RC3H1: variants seen among roughly 807,000 people sequenced by gnomAD.
RC3H1 encodes ring finger and CCCH-type domains 1.
Under a neutral mutation model 138.2 loss-of-function variants are expected in RC3H1, and 50 were observed. That is an observed-to-expected ratio of 0.36 (90% CI 0.29 to 0.46). The LOEUF (loss-of-function observed/expected upper bound fraction) is 0.46, where lower values mean the gene tolerates loss of function less well. Ranked by LOEUF, RC3H1 falls within the 20% of genes least tolerant of loss-of-function variation. RC3H1 has a pLI of 1.00. For missense variants in RC3H1, 1,031 were observed against 1,388.1 expected, an observed-to-expected ratio of 0.74 and a Z score of 4.09; for synonymous variants, 462 against 489.1, an observed-to-expected ratio of 0.94 and a Z score of 0.73.
chr1:173,962,827 T>A (rs7522580), intron 11 of RC3H1, among the ~76,000 whole-genome samples: 2,485 of 152,306 alleles, frequency 0.016, 67 homozygotes, highest in African/African-American at 0.054. Context: ...CATTTTTTCC[T>A]ATAATGGATG....
intron 6 of RC3H1, among the ~76,000 whole-genome samples, chr1:173,979,504 C>T (rs577582557): frequency 6.6e-6 from 1 of 151,948 alleles, no homozygotes; most frequent in African/African-American, 2.4e-5. Context: ...AAAATTTGGG[C>T]GTGGTACAGG....
At chr1:173,957,551 T>C (rs1321624906) in intron 13 of RC3H1, among the ~76,000 whole-genome samples, 1 of 152,082 alleles carries the variant, frequency 6.6e-6, no homozygotes, top group Non-Finnish European at 1.5e-5. Context: ...ACCTGTTTTC[T>C]TCCCCCCCTC....
In RC3H1 at chr1:173,965,108, C is replaced by A. The variant is rs1169740033; in HGVS notation, c.1347G>T (p.Met449Ile). 6 of 1,608,446 alleles carry A rather than the reference C, an allele frequency of 3.7e-6. No individual in the cohort carries two copies. The East Asian group carries it at 1.1e-4, about 30-fold the overall frequency. The change falls in exon 10 of 20, where the codon ATG (methionine) becomes ATT (isoleucine). Residue 449 changes from methionine (M) to isoleucine (I), a missense_variant. Met to Ile is a conservative substitution (Grantham distance 10, BLOSUM62 1). This residue lies in a region of RC3H1 where 142 missense variants were observed against 224.6 expected (regional missense o/e 0.63). Coordinates refer to ENST00000367696, the MANE Select transcript of RC3H1 (RefSeq NM_172071.4). ...SQEELEKFRKMNKRLVPRRPL... is the reference protein window; with the variant it reads ...SQEELEKFRKINKRLVPRRPL... ...GTCTTCTCGGAACCAGGCGCTTATTCATTTTACGAAATCTATATAAAAAGC... is the reference window on the plus strand; with the variant it reads ...GTCTTCTCGGAACCAGGCGCTTATTAATTTTACGAAATCTATATAAAAAGC...
intron 17 of RC3H1, 58 bp from the exon 18 acceptor site, chr1:173,943,673 TAACCAGGCTC>T: frequency 6.6e-7 from 1 of 1,503,878 alleles, no homozygotes; most frequent in Non-Finnish European, 8.9e-7. Context: ...ATGCACAGAA[TAACCAGGCTC>T]AATTCCAGAC....
At chr1:173,974,378 G>A (rs1660487940) in intron 7 of RC3H1, among the ~76,000 whole-genome samples, 1 of 150,900 alleles carries the variant, frequency 6.6e-6, no homozygotes, top group South Asian at 2.1e-4. Flanking sequence ...AAGGGTTTAA[G>A]TGTGCCTACT....
At position 173,959,390 on chromosome 1, in the gene RC3H1, C is replaced by T. The variant is rs186246162; in HGVS notation, c.2370+1687G>A. ...TCGAGGAATAAAATTCAATGTAAGA[C>T]GCGCAAGACACTGAAGTATGAAGTA... On this transcript the variant is annotated intron_variant, in intron 13 of 19. Coordinates refer to ENST00000367696, the MANE Select transcript of RC3H1 (RefSeq NM_172071.4). Among the ~76,000 whole-genome samples, 37 of 152,166 alleles carry T rather than the reference C, an allele frequency of 2.4e-4. 1 individual carries two copies. The highest frequency in any genetic ancestry group is 1.4e-3 in the Admixed American group (22 of 15,288).
At chr1:174,003,425 G>A (rs1016644559) in intron 1 of RC3H1, among the ~76,000 whole-genome samples, 14 of 138,484 alleles carry the variant, frequency 1.0e-4, no homozygotes, top group South Asian at 2.4e-4. Flanking sequence ...ACACACGTAC[G>A]GGGAATCATC....
At chr1:173,940,449 C>A (rs1467058891) in intron 19 of RC3H1, among the ~76,000 whole-genome samples, 1 of 151,656 alleles carries the variant, frequency 6.6e-6, no homozygotes, top group Admixed American at 6.6e-5. Context: ...CCAGCCTGGG[C>A]AACAAGAGTG....
chr1:173,984,643 G>A (rs778836208), intron 2 of RC3H1, 24 bp from the exon 3 acceptor site: 2 of 1,605,748 alleles, frequency 1.2e-6, no homozygotes, highest in African/African-American at 2.7e-5. Flanking sequence ...GAAAAGATCT[G>A]TATGAGTGCT....
intron 1 of RC3H1, among the ~76,000 whole-genome samples, chr1:174,004,086 T>C (rs968594478): frequency 2.0e-5 from 3 of 147,796 alleles, no homozygotes; most frequent in Admixed American, 6.8e-5. Context: ...TATATATTAT[T>C]AATTATATAT....
In RC3H1 at chr1:174,017,783, C is replaced by CAAAAAAAAAAAAAAAAAAAAAAAAAA. The variant is rs61239660; in HGVS notation, c.-151+4287_-151+4312dup. ...ACCCCTTTAGAACTCTTTTCTTGCT[C>CAAAAAAAAAAAAAAAAAAAAAAAAAA]AAAAAAAAAAAAAAAAAAAAAAAAA... is the stretch of plus-strand genomic sequence containing the variant. On this transcript the variant is annotated intron_variant, in intron 1 of 19. Transcript: ENST00000367696. Among the ~76,000 whole-genome samples the CAAAAAAAAAAAAAAAAAAAAAAAAAA allele has an allele frequency of 1.4e-4, 10 of 72,032 alleles. 3 individuals carry two copies. Among genetic ancestry groups the CAAAAAAAAAAAAAAAAAAAAAAAAAA allele is most frequent in the African/African-American group, 4.0e-4 (7 of 17,528 alleles). The allele number at this position is 72,032 out of a possible 152,430, so 47.3% of individuals were successfully genotyped here.
At chr1:173,966,005 G>A (rs1660100745) in intron 9 of RC3H1, among the ~76,000 whole-genome samples, 1 of 152,112 alleles carries the variant, frequency 6.6e-6, no homozygotes, top group African/African-American at 2.4e-5. Flanking sequence ...AACCGGGTGT[G>A]GTGGTGCATG....
rs866198279 is a variant in RC3H1, at chr1:173,936,779, A to T, written c.*1942T>A. 2.0e-3 allele frequency: 252 copies of T among 123,096 alleles called. 3 individuals carry two copies. Among genetic ancestry groups the T allele is most frequent in the African/African-American group, 4.8e-3 (146 of 30,192 alleles). The allele number at this position is 123,096 out of a possible 1,614,324, so 7.6% of individuals were successfully genotyped here. ...TATATATATTTTTTTTTTTTTTTTTAAAAAAAGAAGACAAATGTATAAGAA... is the reference window on the plus strand; with the variant it reads ...TATATATATTTTTTTTTTTTTTTTTTAAAAAAGAAGACAAATGTATAAGAA... On this transcript the variant is annotated 3_prime_UTR_variant, in exon 20 of 20. Transcript: ENST00000367696.
chr1:174,007,532 T>G (rs185987976), intron 1 of RC3H1, among the ~76,000 whole-genome samples: 1 of 152,170 alleles, frequency 6.6e-6, no homozygotes. Context: ...GGCATGATCA[T>G]GGCTCACTGC....
chr1:173,949,075 G>A (rs1271487468), intron 14 of RC3H1, among the ~76,000 whole-genome samples: 1 of 128,972 alleles, frequency 7.8e-6, no homozygotes, highest in African/African-American at 2.9e-5. Flanking sequence ...TAATTCTACT[G>A]CAAAAAAAAA....
chr1:174,012,784 C>CAAAAA (rs11397475), intron 1 of RC3H1, among the ~76,000 whole-genome samples: 2 of 112,790 alleles, frequency 1.8e-5, no homozygotes, highest in Non-Finnish European at 2.0e-5. Context: ...GACTCTGTCT[C>CAAAAA]AAAAAAAAAA....
rs542749755 is a variant in RC3H1 at position 173,955,036 on chromosome 1, C to T, written c.2371-2898G>A. Among the ~76,000 whole-genome samples the T allele has an allele frequency of 1.1e-4, 16 of 151,552 alleles. No homozygotes were observed. In the South Asian group the frequency reaches 1.5e-3, roughly 14 times the overall value. The stretch of plus-strand genomic sequence containing the variant: ...GGTCAGGAGATCGAGACCATCCTGG[C>T]TAACACGGTGAAACCCTGTTCCTAC... On this transcript the variant is annotated intron_variant, in intron 13 of 19. Transcript: ENST00000367696.
chr1:173,964,368 T>C (rs1348565499), intron 10 of RC3H1, among the ~76,000 whole-genome samples, 181 bp from the exon 11 acceptor site: 1 of 151,662 alleles, frequency 6.6e-6, no homozygotes, highest in Non-Finnish European at 1.5e-5. Flanking sequence ...TCTTTTTTTT[T>C]TGAGACAGAG....
chr1:173,953,868 A>G (rs371939428), intron 13 of RC3H1, among the ~76,000 whole-genome samples: 2 of 151,978 alleles, frequency 1.3e-5, no homozygotes, highest in East Asian at 3.9e-4. Flanking sequence ...GTGAAACCCT[A>G]TCTCTACTAA....
Sources: allele counts gnomAD v4.1 joint callset (sites outside exome capture counted in the v4.1 genomes callset), GRCh38; gene constraint gnomAD v4.1.1; regional missense constraint gnomAD v4.1.1; transcripts MANE v1.5; gene names NCBI Gene and HGNC (gene_info 2026-07-23, HGNC 2026-07-21).